TRPM8: variants seen among roughly 807,000 people sequenced by gnomAD.
TRPM8 encodes transient receptor potential cation channel subfamily M member 8.
In TRPM8, 110 loss-of-function variants were observed where a neutral mutation model predicts 133.7. The observed-to-expected ratio is 0.82, with a 90% CI of 0.70 to 0.96. TRPM8 has a LOEUF of 0.96. Among genes scored for constraint, TRPM8 ranks in the 40% least tolerant of loss-of-function variants. TRPM8 has a pLI of 0.00. For missense variants in TRPM8, 1,291 were observed against 1,379.5 expected, an observed-to-expected ratio of 0.94 and a Z score of 1.02; for synonymous variants, 535 against 532.3, an observed-to-expected ratio of 1.01 and a Z score of -0.07.
intron 16 of TRPM8, 52 bp downstream of exon 16, chr2:233,969,859 C>T (rs1363157655): frequency 9.4e-7 from 1 of 1,060,370 alleles, no homozygotes; most frequent in South Asian, 1.3e-5. Flanking sequence ...AGTGTGTGTA[C>T]ATGCATCCAC....
At chr2:233,983,761 C>G (rs913220217) in intron 20 of TRPM8, among the ~76,000 whole-genome samples, 1 of 152,154 alleles carries the variant, frequency 6.6e-6, no homozygotes, top group East Asian at 1.9e-4. Context: ...TTTGGATGGA[C>G]GGGCTGAAGC....
Position 233,921,373 on chromosome 2 carries a change from G to A in TRPM8, c.-6+3941G>A, listed in dbSNP as rs185330631. ...AGGAGTTCTTTTCACCCTGGCCTCT[G>A]TATCAGGGAATGTGGGTTTGAAGTT... On this transcript the variant is annotated intron_variant, in intron 1 of 25. Transcript: ENST00000324695. 1.6e-3 allele frequency among the ~76,000 whole-genome samples: 236 copies of A among 152,252 alleles called. 1 individual carries two copies. Among genetic ancestry groups the A allele is most frequent in the Non-Finnish European group, 2.3e-3 (158 of 68,026 alleles).
rs188185393 is a variant in TRPM8, at chr2:233,989,312, G to T, written c.2939+3447G>T. Reference sequence around the variant, plus strand: ...TCAGCGTCTGTGGTCCTGGCCGCGCGTTATCTGGCTTAACTCAGGTCTCTT... The same window carrying T: ...TCAGCGTCTGTGGTCCTGGCCGCGCTTTATCTGGCTTAACTCAGGTCTCTT... On this transcript the variant is annotated intron_variant, in intron 21 of 25. Transcript: ENST00000324695. The surrounding 1 kb of genome is among the most constrained non-coding windows in gnomAD (Gnocchi z 4.2). 3.3e-5 allele frequency among the ~76,000 whole-genome samples: 5 copies of T among 152,302 alleles called. No individual in the cohort carries two copies. The East Asian group carries it at 9.6e-4, about 29-fold the overall frequency.
At chr2:233,944,911 C>A (rs1297043093) in intron 6 of TRPM8, among the ~76,000 whole-genome samples, 1 of 152,072 alleles carries the variant, frequency 6.6e-6, no homozygotes, top group East Asian at 1.9e-4. Flanking sequence ...TACTATTCCC[C>A]CCTCATTATA....
At chr2:233,926,110 T>TAGC (rs1184219261) in intron 1 of TRPM8, among the ~76,000 whole-genome samples, 2 of 152,176 alleles carry the variant, frequency 1.3e-5, no homozygotes, top group African/African-American at 4.8e-5. Flanking sequence ...TGCAGGCTGC[T>TAGC]AGCCATAGTC....
intron 6 of TRPM8, among the ~76,000 whole-genome samples, chr2:233,945,557 T>A (rs898214489): frequency 1.3e-5 from 2 of 152,204 alleles, no homozygotes; most frequent in African/African-American, 4.8e-5. Flanking sequence ...GTTGAATTTA[T>A]GCAAAAGAGC....
intron 12 of TRPM8, among the ~76,000 whole-genome samples, chr2:233,962,290 C>T (rs899926387): frequency 6.6e-6 from 1 of 152,162 alleles, no homozygotes; most frequent in African/African-American, 2.4e-5. Context: ...AGCCCAGTAG[C>T]GTACAAATAC....
At chr2:233,994,568 C>G (rs1399354705) in intron 21 of TRPM8, among the ~76,000 whole-genome samples, 1 of 152,194 alleles carries the variant, frequency 6.6e-6, no homozygotes, top group Non-Finnish European at 1.5e-5. Context: ...GGGATCCAGG[C>G]CCTAGTGTAG....
intron 21 of TRPM8, among the ~76,000 whole-genome samples, chr2:233,987,345 C>T (rs975011947): frequency 6.6e-6 from 1 of 152,156 alleles, no homozygotes; most frequent in Non-Finnish European, 1.5e-5. Context: ...CTTTAAAAAT[C>T]AAATATATAC....
At chr2:233,982,979 AG>A (rs1272490834) in intron 19 of TRPM8, 73 bp from the exon 20 acceptor site, 19 of 1,531,002 alleles carry the variant, frequency 1.2e-5, no homozygotes, top group Non-Finnish European at 1.7e-5. Flanking sequence ...TGGTCCACTG[AG>A]GACGGCCGGG....
intron 13 of TRPM8, among the ~76,000 whole-genome samples, chr2:233,964,013 A>G (rs572997864): frequency 3.3e-4 from 50 of 152,160 alleles, no homozygotes; most frequent in Admixed American, 2.9e-3. Context: ...TGGTAATTCT[A>G]TGTTCAAGAC....
intron 11 of TRPM8, among the ~76,000 whole-genome samples, chr2:233,958,029 G>C (rs952324246): frequency 6.6e-6 from 1 of 152,132 alleles, no homozygotes; most frequent in Non-Finnish European, 1.5e-5. Flanking sequence ...AAAATATCTG[G>C]AATGCTGATA....
intron 3 of TRPM8, among the ~76,000 whole-genome samples, chr2:233,934,455 CA>C (rs1301749610): frequency 6.6e-6 from 1 of 152,200 alleles, no homozygotes; most frequent in African/African-American, 2.4e-5. Flanking sequence ...AACATTTCCA[CA>C]ATTCAGTTAT....
chr2:234,002,480 T>C (rs904793234), intron 22 of TRPM8, among the ~76,000 whole-genome samples: 1 of 152,150 alleles, frequency 6.6e-6, no homozygotes, highest in Non-Finnish European at 1.5e-5. Flanking sequence ...GACACCTCTT[T>C]GATGACTGGA....
rs529246836 is a variant in TRPM8, at chr2:233,947,183, G to T, written c.942+28G>T. ...GAGTCCTGATTTAGTTTTCTAGAAG[G>T]TTGGCTAATAAGCCTATCCAACAAA... On this transcript the variant is annotated intron_variant, in intron 8 of 25. Coordinates refer to ENST00000324695, the MANE Select transcript of TRPM8 (RefSeq NM_024080.5). 11 of 1,612,722 alleles carry T rather than the reference G, an allele frequency of 6.8e-6. No homozygotes were observed. In the East Asian group the frequency reaches 1.3e-4, roughly 20 times the overall value.
In TRPM8 at chr2:233,972,772, C is replaced by T. The variant is rs186184755; in HGVS notation, c.2355+2346C>T. On this transcript the variant is annotated intron_variant, in intron 17 of 25. Transcript: ENST00000324695. ...GGCCGGCTGCTCCCAGTGCGGGGCC[C>T]GCCAAGCCCACGCCCACCCGGAACT... is the stretch of plus-strand genomic sequence containing the variant. Among the ~76,000 whole-genome samples the T allele has an allele frequency of 7.9e-5, 12 of 152,320 alleles. No homozygotes were observed. In the East Asian group the frequency reaches 1.4e-3, roughly 17 times the overall value.
chr2:234,009,891 A>G (rs529606961), intron 24 of TRPM8, among the ~76,000 whole-genome samples: 1 of 152,202 alleles, frequency 6.6e-6, no homozygotes, highest in South Asian at 2.1e-4. Context: ...ATGCATGTAT[A>G]CATTGCAAAA....
At chr2:233,999,541 G>A (rs371434957) in intron 22 of TRPM8, among the ~76,000 whole-genome samples, 8 of 152,310 alleles carry the variant, frequency 5.3e-5, no homozygotes, top group Middle Eastern at 3.4e-3. Flanking sequence ...GCCCTGTTTG[G>A]CCACCTACCA....
At chr2:233,917,941 T>C (rs567061707) in intron 1 of TRPM8, among the ~76,000 whole-genome samples, 2 of 152,364 alleles carry the variant, frequency 1.3e-5, no homozygotes, top group East Asian at 3.9e-4. Flanking sequence ...TGTTTTTACA[T>C]ACTGTGTTTC....
Sources: allele counts gnomAD v4.1 joint callset (sites outside exome capture counted in the v4.1 genomes callset), GRCh38; gene constraint gnomAD v4.1.1; non-coding constraint Gnocchi (gnomAD v3.1); transcripts MANE v1.5; gene names NCBI Gene and HGNC (gene_info 2026-07-23, HGNC 2026-07-21).